Variants in ANKRD28 observed in about 807,000 individuals in gnomAD.
The protein encoded by ANKRD28 is ankyrin repeat domain 28.
In ANKRD28, 44 loss-of-function variants were observed where a neutral mutation model predicts 126.5. The ratio of observed to expected loss-of-function variants is 0.35; its 90% confidence interval spans 0.27 to 0.45. The LOEUF (loss-of-function observed/expected upper bound fraction) is 0.45. Among genes scored for constraint, ANKRD28 ranks in the 20% least tolerant of loss-of-function variants. The probability of loss-of-function intolerance (pLI) is 1.00; values close to 1 mark genes in which losing one functional copy is unlikely to be tolerated. For missense variants in ANKRD28, 1,110 were observed against 1,316.6 expected (o/e 0.84, Z 2.43); for synonymous variants, 442 against 468.5 (o/e 0.94, Z 0.73).
In ANKRD28 at chr3:15,685,439, T is replaced by G. The variant is rs1270937830; in HGVS notation, c.2176A>C (p.Thr726Pro). 2 of 1,613,952 alleles carry G rather than the reference T, an allele frequency of 1.2e-6. No individual in the cohort carries two copies. The highest frequency in any genetic ancestry group is 1.7e-6 in the Non-Finnish European group (2 of 1,179,794). The change falls in exon 21 of 28, where the codon ACA (threonine) becomes CCA (proline). Residue 726 changes from threonine (T) to proline (P), a missense_variant. By Grantham distance (38) the Thr-to-Pro change is conservative (BLOSUM62 -1). Transcript: ENST00000683139. ...GCATCTACACATTCTTCATGGCCTG[T>G]AACTGCCTGAAAGAAAATAATTTAA... ...GRTALHRGAV[T>P]GHEECVDALL...
chr3:15,672,508 G>A (rs1226365549), intron 27 of ANKRD28, among the ~76,000 whole-genome samples: 1 of 152,186 alleles, frequency 6.6e-6, no homozygotes, highest in Non-Finnish European at 1.5e-5. Context: ...AACAACTGAT[G>A]TCCTTCCAAG....
chr3:15,744,874 T>G (rs757594667), intron 4 of ANKRD28, among the ~76,000 whole-genome samples: 6 of 152,184 alleles, frequency 3.9e-5, no homozygotes, highest in African/African-American at 7.2e-5. Context: ...GTAAAAGTGT[T>G]CCCTTTTCAT....
chr3:15,766,647 G>A (rs1352146049), intron 2 of ANKRD28, among the ~76,000 whole-genome samples: 1 of 151,802 alleles, frequency 6.6e-6, no homozygotes, highest in African/African-American at 2.4e-5. Context: ...ACTCCACCCT[G>A]GGTAACAGAG....
At chr3:15,803,478 G>A (rs1353943911) in intron 1 of ANKRD28, among the ~76,000 whole-genome samples, 2 of 152,042 alleles carry the variant, frequency 1.3e-5, no homozygotes, top group East Asian at 1.9e-4. Flanking sequence ...TTAGCTGGGT[G>A]TGGTGGCGCG....
intron 7 of ANKRD28, among the ~76,000 whole-genome samples, chr3:15,722,905 T>C (rs1392836290): frequency 6.6e-6 from 1 of 152,028 alleles, no homozygotes. Context: ...GCCCTCCAGT[T>C]TGTGGTAATT....
At chr3:15,741,697 C>CTTTTTTTTTTTTTTTTTTTTTTT (rs58655271) in intron 4 of ANKRD28, among the ~76,000 whole-genome samples, 8 of 33,660 alleles carry the variant, frequency 2.4e-4, no homozygotes, top group Admixed American at 5.2e-4. Context: ...TGGTTCTATC[C>CTTTTTTTTTTTTTTTTTTTTTTT]TTTTTTTTTT....
chr3:15,749,767 T>C (rs918475250), intron 4 of ANKRD28, among the ~76,000 whole-genome samples: 13 of 152,204 alleles, frequency 8.5e-5, no homozygotes, highest in African/African-American at 2.9e-4. Flanking sequence ...GTTTTTGCTC[T>C]TCTGGGTCTA....
intron 1 of ANKRD28, among the ~76,000 whole-genome samples, chr3:15,827,909 A>G (rs926515916): frequency 6.6e-6 from 1 of 152,190 alleles, no homozygotes; most frequent in African/African-American, 2.4e-5. Context: ...TTAAATGGAC[A>G]AGGGACTTGA....
At chr3:15,828,854 C>A (rs1267120887) in intron 1 of ANKRD28, among the ~76,000 whole-genome samples, 1 of 152,130 alleles carries the variant, frequency 6.6e-6, no homozygotes, top group Non-Finnish European at 1.5e-5. Context: ...GACTCTAAAT[C>A]AAGGTAACTC....
At chr3:15,672,557 T>A (rs1055689173) in intron 27 of ANKRD28, among the ~76,000 whole-genome samples, 1 of 152,224 alleles carries the variant, frequency 6.6e-6, no homozygotes, top group Non-Finnish European at 1.5e-5. Context: ...TATTTTTAAT[T>A]AAATTTTATT....
Position 15,772,945 on chromosome 3 carries a change from T to C in ANKRD28, c.202-6633A>G, listed in dbSNP as rs564101313. On this transcript the variant is annotated intron_variant, in intron 2 of 27. Transcript: ENST00000683139. ...AAAAATCTACAGCTGACAGGTAATT[T>C]AATGGTGAAAGAGTGAATGTTTTTT... Among the ~76,000 whole-genome samples, 139 of 152,256 alleles carry C rather than the reference T, an allele frequency of 9.1e-4. 1 individual carries two copies. Among genetic ancestry groups the C allele is most frequent in the African/African-American group, 3.2e-3 (134 of 41,548 alleles).
rs2058734422 is a variant in ANKRD28 at position 15,766,322 on chromosome 3, TAAGGA to T, written c.202-15_202-11del. 1.4e-5 allele frequency: 22 copies of T among 1,599,392 alleles called. No individual in the cohort carries two copies. Among genetic ancestry groups the T allele is most frequent in the Non-Finnish European group, 1.7e-5 (20 of 1,169,910 alleles). ...TTCGCTTTTCATTGTCCTGTGATAA[TAAGGA>T]AAGGTGGGAAATAAGTTTTAAAATA... On this transcript the variant is annotated splice_polypyrimidine_tract_variant and intron_variant, in intron 2 of 27. Coordinates refer to ENST00000683139, the MANE Select transcript of ANKRD28 (RefSeq NM_001349278.2).
At chr3:15,795,350 G>A in intron 1 of ANKRD28, 44 bp from the exon 2 acceptor site, 2 of 1,308,746 alleles carry the variant, frequency 1.5e-6, no homozygotes, top group Non-Finnish European at 2.2e-6. Flanking sequence ...TCATCCATGT[G>A]GGGTGACTAA....
At chr3:15,842,985 C>T (rs1414735937) in intron 1 of ANKRD28, among the ~76,000 whole-genome samples, 1 of 152,166 alleles carries the variant, frequency 6.6e-6, no homozygotes, top group Non-Finnish European at 1.5e-5. Context: ...TGTTGCTTAT[C>T]TGGTATATTA....
chr3:15,857,821 A>G (rs1258506439), intron 1 of ANKRD28, among the ~76,000 whole-genome samples: 2 of 152,244 alleles, frequency 1.3e-5, no homozygotes, highest in Non-Finnish European at 2.9e-5. Flanking sequence ...TCTAAATCAC[A>G]AAAACAACTT....
chr3:15,720,848 A>G (rs1359001411), intron 8 of ANKRD28, 67 bp downstream of exon 8: 2 of 1,335,556 alleles, frequency 1.5e-6, no homozygotes, highest in African/African-American at 1.5e-5. Flanking sequence ...GCTCAATGGT[A>G]TTCACCATTG....
intron 8 of ANKRD28, among the ~76,000 whole-genome samples, chr3:15,715,664 A>G (rs2072920867): frequency 6.6e-6 from 1 of 152,210 alleles, no homozygotes; most frequent in Non-Finnish European, 1.5e-5. Context: ...CCTACTTACC[A>G]CAAGCAAGAT....
chr3:15,741,130 C>G (rs556683667), intron 4 of ANKRD28, among the ~76,000 whole-genome samples: 1 of 151,712 alleles, frequency 6.6e-6, no homozygotes, highest in Non-Finnish European at 1.5e-5. Flanking sequence ...ACCTGGGAGG[C>G]GGAGCTTGCA....
intron 2 of ANKRD28, 114 bp downstream of exon 2, chr3:15,795,109 T>C: frequency 1.3e-6 from 1 of 766,044 alleles, no homozygotes; most frequent in Non-Finnish European, 2.2e-6. Flanking sequence ...CCTGCCCTCA[T>C]TTAAAACAAC....
Sources: allele counts gnomAD v4.1 joint callset (sites outside exome capture counted in the v4.1 genomes callset), GRCh38; gene constraint gnomAD v4.1.1; transcripts MANE v1.5; gene names NCBI Gene and HGNC (gene_info 2026-07-23, HGNC 2026-07-21).